LBP: variants seen among roughly 807,000 people sequenced by gnomAD.
The protein encoded by LBP is lipopolysaccharide binding protein, also known as lipopolysaccharide-binding protein.
A neutral mutation model predicts 56.6 loss-of-function variants in LBP; 53 were observed. The observed-to-expected ratio is 0.94, with a 90% CI of 0.75 to 1.18. LBP has a LOEUF of 1.18. Ranked by LOEUF, LBP falls within the 50% of genes most tolerant of loss-of-function variation. The pLI is 0.00. For synonymous variants in LBP, 227 were observed against 247.5 expected (o/e 0.92, Z 0.78); for missense variants, 601 against 598.3 (o/e 1.00, Z -0.05).
At chr20:38,346,948 C>T (rs2122589846) in intron 1 of LBP, among the ~76,000 whole-genome samples, 1 of 152,240 alleles carries the variant, frequency 6.6e-6, no homozygotes, top group Non-Finnish European at 1.5e-5. Context: ...GAAGGGAGGG[C>T]AGCCAGGAGA....
intron 13 of LBP, 140 bp from the exon 14 acceptor site, chr20:38,373,797 C>A: frequency 1.4e-6 from 1 of 711,358 alleles, no homozygotes; most frequent in Non-Finnish European, 2.4e-6. Flanking sequence ...AAAGAATAAT[C>A]ACACCTACCT....
At chr20:38,355,579 C>T (rs2232593) in intron 5 of LBP, among the ~76,000 whole-genome samples, 170 bp downstream of exon 5, 2,519 of 152,192 alleles carry the variant, frequency 0.017, 90 homozygotes, top group East Asian at 0.14. Context: ...TTGTGGGGCA[C>T]GCTGGGGACA....
chr20:38,350,762 C>A, intron 2 of LBP, 49 bp from the exon 3 acceptor site: 1 of 1,567,036 alleles, frequency 6.4e-7, no homozygotes, highest in South Asian at 1.2e-5. Context: ...CCTGGTGAGG[C>A]TGGGTCCAGG....
At position 38,356,449 on chromosome 20, in the gene LBP, CA is replaced by C. The variant is rs1568829277; in HGVS notation, c.588+1041del. Among the ~76,000 whole-genome samples the C allele has an allele frequency of 1.6e-3, 191 of 121,356 alleles. 2 individuals carry two copies. The highest frequency in any genetic ancestry group is 3.1e-3 in the South Asian group (12 of 3,878). 79.6% of individuals were successfully genotyped at this position (121,356 alleles called of 152,430 possible). A position where few individuals can be genotyped will look rare whatever the true frequency, so the allele number is the denominator to read the frequency against. On this transcript the variant is annotated intron_variant, in intron 5 of 14. Coordinates refer to ENST00000217407, the MANE Select transcript of LBP (RefSeq NM_004139.5). ...ACACACACACACACACACACACACA[CA>C]CACACCCTCGTCTGTAGGTCCAACC...
rs1202297354 is a variant in LBP, at chr20:38,364,498, G to A, written c.745-78G>A. 84 of 1,363,314 alleles carry A rather than the reference G, an allele frequency of 6.2e-5. 2 individuals carry two copies. In the South Asian group the frequency reaches 9.9e-4, roughly 16 times the overall value. 84.5% of individuals were successfully genotyped at this position (1,363,314 alleles called of 1,614,324 possible). A position where few individuals can be genotyped will look rare whatever the true frequency, so the allele number is the denominator to read the frequency against. On this transcript the variant is annotated intron_variant, in intron 7 of 14. Transcript: ENST00000217407. ...TGTTCCAGCCAGCGTCCCTTCATCG[G>A]ACTGTGTAGGGGAATACCTAGCCCC...
At chr20:38,350,409 C>A (rs928640013) in intron 2 of LBP, among the ~76,000 whole-genome samples, 1 of 152,310 alleles carries the variant, frequency 6.6e-6, no homozygotes, top group Admixed American at 6.5e-5. Context: ...CTGTTTCCCC[C>A]CTACCTGGAT....
At chr20:38,355,297 G>T (rs775486230) in intron 4 of LBP, 49 bp from the exon 5 acceptor site, 1 of 1,568,992 alleles carries the variant, frequency 6.4e-7, no homozygotes, top group Non-Finnish European at 8.8e-7. Context: ...GCTTTCCCAG[G>T]CACCCGGCCA....
intron 3 of LBP, among the ~76,000 whole-genome samples, chr20:38,352,678 C>G (rs1266772638): frequency 1.3e-5 from 2 of 152,158 alleles, no homozygotes; most frequent in Non-Finnish European, 2.9e-5. Flanking sequence ...CCGCTGTAGC[C>G]TGGGAGGCGG....
In LBP at chr20:38,376,841, A is replaced by T; in HGVS notation, c.*172A>T. On this transcript the variant is annotated 3_prime_UTR_variant, in exon 15 of 15. Coordinates refer to ENST00000217407, the MANE Select transcript of LBP (RefSeq NM_004139.5). ...CTCCTCCTCTTCACCAGGTGCATGC[A>T]TGCCCTCTCTGAGTCTGGACTTTGC... The T allele has an allele frequency of 1.4e-6, 1 of 733,058 alleles. No individual in the cohort carries two copies. The highest frequency in any genetic ancestry group is 1.4e-5 in the South Asian group (1 of 70,090). 45.4% of individuals were successfully genotyped at this position (733,058 alleles called of 1,614,324 possible).
In LBP at chr20:38,369,141, G is replaced by A. The variant is rs150948020; in HGVS notation, c.1128G>A (p.Glu376=). The A allele has an allele frequency of 6.6e-4, 1,062 of 1,613,970 alleles. 1 individual carries two copies. Among genetic ancestry groups the A allele is most frequent in the Non-Finnish European group, 7.6e-4 (895 of 1,180,000 alleles). The part of the protein sequence containing the change: ...AFVLLPSSSK[E]PVFRLSVATN... ...TGCTCCTGCCCAGCTCCAGCAAGGA[G>A]CCTGTCTTCCGGCTCAGTGTGGTAA... Residue 376 remains glutamate, a synonymous_variant, in exon 10 of 15, where the codon GAG becomes GAA. Transcript: ENST00000217407.
chr20:38,354,821 G>A (rs569417865), intron 4 of LBP, among the ~76,000 whole-genome samples: 3 of 152,222 alleles, frequency 2.0e-5, no homozygotes, highest in East Asian at 1.9e-4. Context: ...GGTGGCTCAC[G>A]CCTGTAATCC....
At chr20:38,366,914 C>T in intron 9 of LBP, 86 bp downstream of exon 9, 1 of 1,258,128 alleles carries the variant, frequency 7.9e-7, no homozygotes. Context: ...CATCTCTCAG[C>T]TTGACCAAGA....
At chr20:38,347,657 A>T (rs1054339399) in intron 1 of LBP, among the ~76,000 whole-genome samples, 2 of 152,188 alleles carry the variant, frequency 1.3e-5, no homozygotes, top group African/African-American at 4.8e-5. Flanking sequence ...ATATTTATAC[A>T]CCACAGTGAT....
intron 3 of LBP, 72 bp downstream of exon 3, chr20:38,351,011 G>A: frequency 6.4e-7 from 1 of 1,567,298 alleles, no homozygotes; most frequent in South Asian, 1.2e-5. Flanking sequence ...TAGGTCCAAG[G>A]TGTTCCTAGC....
rs1600731313 is a variant in LBP, at chr20:38,372,667, C to A, written c.1261-405C>A. The stretch of plus-strand genomic sequence containing the variant: ...TTGTGAAGATTGAATCAGACATGCA[C>A]GTAAAGCTCTGAGCTCTCTGCTTGG... On this transcript the variant is annotated intron_variant, in intron 12 of 14. Coordinates refer to ENST00000217407, the MANE Select transcript of LBP (RefSeq NM_004139.5). 2.0e-5 allele frequency among the ~76,000 whole-genome samples: 3 copies of A among 152,054 alleles called. No homozygotes were observed. In the South Asian group the frequency reaches 6.2e-4, roughly 31 times the overall value.
chr20:38,346,603 C>A lies in LBP; in HGVS notation c.87C>A (p.Gly29=). ...CAGAGGCTCTGGGTGCCAACCCCGG[C>A]TTGGTCGCCAGGATCACCGACAAGG... The part of the protein sequence containing the change: ...STPEALGANP[G]LVARITDKGL... Residue 29 remains glycine (G), a synonymous_variant, in exon 1 of 15, where the codon GGC becomes GGA. Transcript: ENST00000217407. 1 of 1,613,710 alleles carries A rather than the reference C, an allele frequency of 6.2e-7. No homozygotes were observed.
At chr20:38,366,720 C>G in intron 8 of LBP, 49 bp from the exon 9 acceptor site, 2 of 1,544,962 alleles carry the variant, frequency 1.3e-6, no homozygotes, top group Non-Finnish European at 1.8e-6. Flanking sequence ...TTTAGACCTT[C>G]AGCTCCAGCG....
At chr20:38,375,120 T>G (rs977524674) in intron 14 of LBP, among the ~76,000 whole-genome samples, 1 of 151,632 alleles carries the variant, frequency 6.6e-6, no homozygotes, top group African/African-American at 2.4e-5. Context: ...TTTACAAAAA[T>G]TATTCATAAA....
intron 1 of LBP, among the ~76,000 whole-genome samples, chr20:38,348,787 A>T (rs1780621): frequency 0.093 from 12,585 of 135,306 alleles, 696 homozygotes; most frequent in African/African-American, 0.15. Context: ...AGTTTAGTTT[A>T]GTTTTGTTTT....
Sources: gnomAD v4.1 joint callset for allele counts (sites outside exome capture counted in the v4.1 genomes callset) on GRCh38, gnomAD v4.1.1 for gene constraint, MANE v1.5 for transcripts, NCBI Gene and HGNC (gene_info 2026-07-23, HGNC 2026-07-21) for gene names.